CCDC88C: variants seen among roughly 807,000 people sequenced by gnomAD.
The protein encoded by CCDC88C is coiled-coil and HOOK domain protein 88C.
CCDC88C carries 131 observed loss-of-function variants against 198.8 expected under a neutral mutation model. The observed-to-expected ratio is 0.66, with a 90% confidence interval of 0.57 to 0.76. CCDC88C has a LOEUF of 0.76. Among genes scored for constraint, CCDC88C ranks in the 30% least tolerant of loss-of-function variants. CCDC88C has a pLI of 0.00. For synonymous variants in CCDC88C, 1,166 were observed against 1,114.7 expected, an observed-to-expected ratio of 1.05 and a Z score of -0.92; for missense variants, 2,553 against 2,631.6, an observed-to-expected ratio of 0.97 and a Z score of 0.65.
At chr14:91,363,675 G>A (rs374317870) in intron 3 of CCDC88C, among the ~76,000 whole-genome samples, 3 of 152,220 alleles carry the variant, frequency 2.0e-5, no homozygotes, top group South Asian at 2.1e-4. Context: ...ACTGAACTGA[G>A]TACCAGTTTT....
intron 4 of CCDC88C, 123 bp downstream of exon 4, chr14:91,359,519 A>G (rs1363413507): frequency 1.4e-6 from 1 of 731,928 alleles, no homozygotes; most frequent in African/African-American, 1.8e-5. Flanking sequence ...AATCTCACCA[A>G]AACGATCACG....
intron 26 of CCDC88C, among the ~76,000 whole-genome samples, chr14:91,282,458 A>G (rs931831922): frequency 9.9e-5 from 15 of 152,122 alleles, no homozygotes; most frequent in African/African-American, 3.6e-4. Context: ...TTCTCTTTGC[A>G]TATTTTAAAT....
intron 3 of CCDC88C, among the ~76,000 whole-genome samples, chr14:91,404,979 G>A (rs1285830): frequency 0.89 from 130,752 of 147,436 alleles, 58,071 homozygotes; most frequent in East Asian, 0.98. Flanking sequence ...AAAAAAAAAA[G>A]AGAAAAGAAA....
At chr14:91,350,980 A>T (rs577322865) in intron 4 of CCDC88C, among the ~76,000 whole-genome samples, 1 of 152,048 alleles carries the variant, frequency 6.6e-6, no homozygotes, top group East Asian at 1.9e-4. Flanking sequence ...ACCACTACCT[A>T]CCATCTCCTA....
At chr14:91,344,636 C>T (rs753693407) in intron 4 of CCDC88C, among the ~76,000 whole-genome samples, 4 of 151,834 alleles carry the variant, frequency 2.6e-5, no homozygotes, top group South Asian at 2.1e-4. Context: ...CTCAGCCTCC[C>T]GAGTAGCTGG....
At chr14:91,347,945 C>A (rs1641692915) in intron 4 of CCDC88C, among the ~76,000 whole-genome samples, 1 of 152,206 alleles carries the variant, frequency 6.6e-6, no homozygotes, top group Admixed American at 6.5e-5. Flanking sequence ...AAATGTCCAA[C>A]AACCATAGAC....
chr14:91,360,142 G>A (rs1894241003), intron 3 of CCDC88C, among the ~76,000 whole-genome samples: 1 of 152,008 alleles, frequency 6.6e-6, no homozygotes, highest in Non-Finnish European at 1.5e-5. Context: ...AGGAGGCCAG[G>A]CGCAGTGGTT....
At position 91,313,290 on chromosome 14, in the gene CCDC88C, C is replaced by T. The variant is rs1392824402; in HGVS notation, c.2526G>A (p.Lys842=). 3 of 1,613,984 alleles carry T rather than the reference C, an allele frequency of 1.9e-6. No homozygotes were observed. Among genetic ancestry groups the T allele is most frequent in the Admixed American group, 1.7e-5 (1 of 60,032 alleles). Residue 842 remains lysine (K), a synonymous_variant, in exon 15 of 30, where the codon AAG becomes AAA. Coordinates refer to ENST00000389857, the MANE Select transcript of CCDC88C (RefSeq NM_001080414.4). The surrounding 1 kb of genome is among the most constrained non-coding windows in gnomAD (Gnocchi z 5.2). ...KDKKLLEKEA[K]RLWQQVELKD... is the part of the protein sequence containing the mutation. ...TGAGCTCCACCTGCTGCCACAGCCG[C>T]TTGGCCTCCTTCTCCAGCAGCTTCT...
At chr14:91,403,247 G>A (rs1405666694) in intron 3 of CCDC88C, among the ~76,000 whole-genome samples, 1 of 152,134 alleles carries the variant, frequency 6.6e-6, no homozygotes, top group Non-Finnish European at 1.5e-5. Context: ...CCATCCAAGG[G>A]TCCCGATCTC....
At chr14:91,393,179 A>G (rs901041627) in intron 3 of CCDC88C, among the ~76,000 whole-genome samples, 12 of 152,128 alleles carry the variant, frequency 7.9e-5, no homozygotes, top group Non-Finnish European at 1.5e-4. Flanking sequence ...ACAAAAGAGG[A>G]ACAGGCTAGG....
In CCDC88C at chr14:91,381,056, A is replaced by C. The variant is rs186999598; in HGVS notation, c.271-21345T>G. Among the ~76,000 whole-genome samples the C allele has an allele frequency of 6.6e-6, 1 of 152,224 alleles. No individual in the cohort carries two copies. Among genetic ancestry groups the C allele is most frequent in the African/African-American group, 2.4e-5 (1 of 41,456 alleles). On this transcript the variant is annotated intron_variant, in intron 3 of 29. Coordinates refer to ENST00000389857, the MANE Select transcript of CCDC88C (RefSeq NM_001080414.4). This position sits in a 1 kb window ranked among gnomAD's most constrained non-coding sequence, Gnocchi z 4.2. ...AAATGGACCACAAACAGGGCTGTGA[A>C]GCAGTGTGTGCCCTGGTCCACCCTC...
At chr14:91,298,510 CT>C (rs1377088293) in intron 21 of CCDC88C, among the ~76,000 whole-genome samples, 1 of 149,992 alleles carries the variant, frequency 6.7e-6, no homozygotes, top group Non-Finnish European at 1.5e-5. Flanking sequence ...GCCTCAGTGG[CT>C]GAGCAAGATC....
rs188129789 is a variant in CCDC88C, at chr14:91,284,894, G to A, written c.4442-1377C>T. Reference sequence around the variant, plus strand: ...TCAGGATATGACAAAAATAACGGAGGTGGTACAGGGATGGCTAGAGACAGG... The same window carrying A: ...TCAGGATATGACAAAAATAACGGAGATGGTACAGGGATGGCTAGAGACAGG... On this transcript the variant is annotated intron_variant, in intron 25 of 29. Transcript: ENST00000389857. The surrounding 1 kb of genome is among the most constrained non-coding windows in gnomAD (Gnocchi z 4.1). 6.6e-6 allele frequency among the ~76,000 whole-genome samples: 1 copy of A among 152,302 alleles called. No homozygotes were observed. The highest frequency in any genetic ancestry group is 6.5e-5 in the Admixed American group (1 of 15,294).
chr14:91,322,249 C>T (rs754067260), intron 12 of CCDC88C, among the ~76,000 whole-genome samples: 14 of 152,184 alleles, frequency 9.2e-5, no homozygotes, highest in Non-Finnish European at 1.3e-4. Context: ...ATGGCTTTCA[C>T]AGCAAACACA....
intron 10 of CCDC88C, among the ~76,000 whole-genome samples, chr14:91,326,883 C>G (rs552647424): frequency 2.6e-5 from 4 of 152,198 alleles, no homozygotes; most frequent in Non-Finnish European, 2.9e-5. Context: ...GTCTTTAAGA[C>G]AGTTAAGTTT....
intron 2 of CCDC88C, among the ~76,000 whole-genome samples, chr14:91,412,774 CATAT>C (rs1195833606): frequency 6.6e-6 from 1 of 152,108 alleles, no homozygotes; most frequent in Non-Finnish European, 1.5e-5. Context: ...CCCCATGTGT[CATAT>C]ACTGCAGCCA....
Position 91,303,993 on chromosome 14 carries a change from A to ACTGGCT in CCDC88C, c.3358-16_3358-15insAGCCAG. 1 of 1,592,986 alleles carries ACTGGCT rather than the reference A, an allele frequency of 6.3e-7. No individual in the cohort carries two copies. The highest frequency in any genetic ancestry group is 1.1e-5 in the South Asian group (1 of 90,910). On this transcript the variant is annotated splice_polypyrimidine_tract_variant and intron_variant, in intron 19 of 29. Coordinates refer to ENST00000389857, the MANE Select transcript of CCDC88C (RefSeq NM_001080414.4). Reference sequence around the variant, plus strand: ...GAGTTCTCCACCTGCCGAGAGGGAGAAGCGCGGCGTGGCGCAGGCCCCACA... The same window carrying ACTGGCT: ...GAGTTCTCCACCTGCCGAGAGGGAGACTGGCTAGCGCGGCGTGGCGCAGGCCCCACA...
At chr14:91,393,759 C>G (rs2139984987) in intron 3 of CCDC88C, among the ~76,000 whole-genome samples, 1 of 152,338 alleles carries the variant, frequency 6.6e-6, no homozygotes, top group African/African-American at 2.4e-5. Context: ...GAGGCTGAGG[C>G]AGGAGAATTG....
In CCDC88C at chr14:91,272,690, T is replaced by C. The variant is rs527441387; in HGVS notation, c.6022A>G (p.Ser2008Gly). 3.1e-6 allele frequency: 5 copies of C among 1,611,734 alleles called. No homozygotes were observed. The African/African-American group carries it at 4.0e-5, about 13-fold the overall frequency. The change falls in exon 30 of 30, where the codon AGT (serine) becomes GGT (glycine). Residue 2008 changes from serine to glycine, a missense_variant. Ser to Gly is a moderately conservative substitution (Grantham distance 56). This residue lies in a region of CCDC88C where 1,293 missense variants were observed against 1,219.6 expected (regional missense o/e 1.06). Transcript: ENST00000389857. ...CCGCCGGGCTCCGGGGAGGCCGGAC[T>C]GCTCTTTGAGACGCTCCCTCGACTG... ...DCSRGSVSKS[S>G]PASPEPGGDP... is the part of the protein sequence containing the mutation.
Sources: allele counts gnomAD v4.1 joint callset (sites outside exome capture counted in the v4.1 genomes callset), GRCh38; gene constraint gnomAD v4.1.1; regional missense constraint gnomAD v4.1.1; non-coding constraint Gnocchi (gnomAD v3.1); transcripts MANE v1.5; gene names NCBI Gene and HGNC (gene_info 2026-07-23, HGNC 2026-07-21).